PPM1D: variants seen among roughly 807,000 people sequenced by gnomAD.
PPM1D encodes protein phosphatase 1D.
In PPM1D, 52 loss-of-function variants were observed where a neutral mutation model predicts 58.3. The observed-to-expected ratio is 0.89, with a 90% CI of 0.71 to 1.12. The LOEUF (loss-of-function observed/expected upper bound fraction) is 1.12. PPM1D is among the 50% of genes most tolerant of loss of function. PPM1D has a pLI of 0.00. For synonymous variants in PPM1D, 278 were observed against 285.1 expected, an observed-to-expected ratio of 0.98 and a Z score of 0.25; for missense variants, 564 against 777.2, an observed-to-expected ratio of 0.73 and a Z score of 3.26.
At chr17:60,635,341 G>A (rs1159094464) in intron 3 of PPM1D, among the ~76,000 whole-genome samples, 3 of 151,074 alleles carry the variant, frequency 2.0e-5, no homozygotes. Context: ...TCAGCCTCCC[G>A]AGTAGCTGGG....
intron 4 of PPM1D, among the ~76,000 whole-genome samples, chr17:60,649,745 C>G (rs1250546139): frequency 6.6e-6 from 1 of 152,026 alleles, no homozygotes; most frequent in Non-Finnish European, 1.5e-5. Flanking sequence ...GTACTAGGTA[C>G]AGGGATTGCA....
At chr17:60,655,392 A>G (rs2031418556) in intron 4 of PPM1D, among the ~76,000 whole-genome samples, 1 of 152,244 alleles carries the variant, frequency 6.6e-6, no homozygotes, top group Non-Finnish European at 1.5e-5. Flanking sequence ...TCTGTCGCCC[A>G]GGCGGGAGTG....
intron 4 of PPM1D, among the ~76,000 whole-genome samples, chr17:60,649,952 T>G (rs531694820): frequency 5.0e-4 from 76 of 152,312 alleles, no homozygotes; most frequent in African/African-American, 1.5e-3. Context: ...TAAAGACTCT[T>G]CTGTCTAATG....
intron 1 of PPM1D, among the ~76,000 whole-genome samples, chr17:60,615,263 G>A (rs1158455962): frequency 6.6e-6 from 1 of 152,120 alleles, no homozygotes; most frequent in African/African-American, 2.4e-5. Context: ...TGGGCGTGGT[G>A]GCGTGCACCT....
intron 1 of PPM1D, among the ~76,000 whole-genome samples, chr17:60,605,937 G>C (rs1343429153): frequency 6.6e-6 from 1 of 152,020 alleles, no homozygotes; most frequent in African/African-American, 2.4e-5. Flanking sequence ...TACCATTTTA[G>C]CCATTTTTAG....
intron 2 of PPM1D, among the ~76,000 whole-genome samples, chr17:60,632,940 C>G (rs530529569): frequency 1.5e-4 from 22 of 150,664 alleles, no homozygotes; most frequent in Non-Finnish European, 2.4e-4. Flanking sequence ...GCACTCCAGT[C>G]TGGACAACAA....
At chr17:60,653,974 A>G (rs1408806181) in intron 4 of PPM1D, among the ~76,000 whole-genome samples, 1 of 152,130 alleles carries the variant, frequency 6.6e-6, no homozygotes, top group East Asian at 1.9e-4. Context: ...ACCTGCAAAC[A>G]AGGCTCATTT....
chr17:60,655,976 C>G (rs998152904), intron 4 of PPM1D, among the ~76,000 whole-genome samples: 2 of 151,844 alleles, frequency 1.3e-5, no homozygotes, highest in African/African-American at 4.8e-5. Flanking sequence ...GCTGGGATTA[C>G]AGGCATGAGC....
intron 3 of PPM1D, among the ~76,000 whole-genome samples, chr17:60,644,453 TGGA>T (rs2031197834): frequency 6.6e-6 from 1 of 152,192 alleles, no homozygotes; most frequent in Non-Finnish European, 1.5e-5. Context: ...GATCCTTGAA[TGGA>T]TCCTGGATAT....
At chr17:60,628,374 A>G (rs2030853307) in intron 2 of PPM1D, among the ~76,000 whole-genome samples, 1 of 152,154 alleles carries the variant, frequency 6.6e-6, no homozygotes, top group South Asian at 2.1e-4. Flanking sequence ...CCTGGTGTCC[A>G]TAGTTTACAT....
intron 4 of PPM1D, among the ~76,000 whole-genome samples, chr17:60,656,132 G>A (rs2031434430): frequency 6.6e-6 from 1 of 151,920 alleles, no homozygotes; most frequent in East Asian, 1.9e-4. Context: ...TTTTAACATG[G>A]CTAAGGAGAC....
chr17:60,643,883 C>CTTTTTTTTTTTTTT (rs71148308), intron 3 of PPM1D, among the ~76,000 whole-genome samples: 73 of 97,724 alleles, frequency 7.5e-4, no homozygotes, highest in South Asian at 1.9e-3. Context: ...CTTTTCTTTT[C>CTTTTTTTTTTTTTT]TTTTTTTTTT....
At position 60,600,337 on chromosome 17, in the gene PPM1D, C is replaced by A. The variant is rs2030174499; in HGVS notation, c.-78C>A. 2 of 1,507,432 alleles carry A rather than the reference C, an allele frequency of 1.3e-6. No individual in the cohort carries two copies. Among genetic ancestry groups the A allele is most frequent in the African/African-American group, 2.9e-5 (2 of 69,774 alleles). The allele number at this position is 1,507,432 out of a possible 1,614,324, so 93.4% of individuals were successfully genotyped here. On this transcript the variant is annotated 5_prime_UTR_variant, in exon 1 of 6. Coordinates refer to ENST00000305921, the MANE Select transcript of PPM1D (RefSeq NM_003620.4). ...GTCGTCGAAGATAAACAATAGTTGG[C>A]CGGCGAGCGCCTAGTGTGTCTCCCG...
At position 60,656,691 on chromosome 17, in the gene PPM1D, C is replaced by T. The variant is rs959180208; in HGVS notation, c.1110C>T (p.Ala370=). The change falls in exon 5 of 6, where the codon GCC becomes GCT. Residue 370 remains alanine (A), a synonymous_variant. Transcript: ENST00000305921. ...TGCTCCGAGCAGATAACACTAGTGC[C>T]ATAGTAATCTGCATCTCTCCAGAAG... ...QRMLRADNTS[A]IVICISPEVD... 1.9e-6 allele frequency: 3 copies of T among 1,614,030 alleles called. No individual in the cohort carries two copies. In the African/African-American group the frequency reaches 4.0e-5, roughly 22 times the overall value.
chr17:60,613,786 C>T lies in PPM1D; in HGVS notation c.473-9735C>T, dbSNP rs549824461. ...ACTAGCTGCAGAGGGTGCGCCGGGTCCCCCAGCAGTGCTGGCCCACCGGCG... is the reference window on the plus strand; with the variant it reads ...ACTAGCTGCAGAGGGTGCGCCGGGTTCCCCAGCAGTGCTGGCCCACCGGCG... On this transcript the variant is annotated intron_variant, in intron 1 of 5. Coordinates refer to ENST00000305921, the MANE Select transcript of PPM1D (RefSeq NM_003620.4). Among the ~76,000 whole-genome samples, 77 of 152,288 alleles carry T rather than the reference C, an allele frequency of 5.1e-4. 1 individual carries two copies. The highest frequency in any genetic ancestry group is 6.8e-3 in the Middle Eastern group (2 of 294).
At position 60,663,133 on chromosome 17, in the gene PPM1D, CCCTCAAAAGAT is replaced by C; in HGVS notation, c.1402_1412del (p.Ser468ArgfsTer4). The C allele has an allele frequency of 6.2e-7, 1 of 1,614,046 alleles. No homozygotes were observed. The highest frequency in any genetic ancestry group is 8.5e-7 in the Non-Finnish European group (1 of 1,179,990). On this transcript the variant is annotated frameshift_variant, in exon 6 of 6. Transcript: ENST00000305921. LOFTEE classifies it high-confidence loss of function. ...AGAGAATGTCCAAGGTGTAGTCATA[CCCTCAAAAGAT>C]CCAGAACCACTTGAAGAAAATTGCG...
At chr17:60,624,922 C>T (rs2030776281) in intron 2 of PPM1D, among the ~76,000 whole-genome samples, 1 of 152,090 alleles carries the variant, frequency 6.6e-6, no homozygotes, top group African/African-American at 2.4e-5. Flanking sequence ...GGTGGATTGT[C>T]TGAGCTCAGG....
At chr17:60,615,232 A>G (rs750391041) in intron 1 of PPM1D, among the ~76,000 whole-genome samples, 3 of 152,110 alleles carry the variant, frequency 2.0e-5, no homozygotes, top group Middle Eastern at 3.4e-3. Context: ...CCCCCTCTGT[A>G]CAAAAAATAC....
At chr17:60,662,898 T>C (rs924915092) in intron 5 of PPM1D, 97 bp from the exon 6 acceptor site, 98 of 1,196,756 alleles carry the variant, frequency 8.2e-5, no homozygotes, top group Admixed American at 1.2e-4. Flanking sequence ...GTTTTTGCCA[T>C]CCTACTAGCT....
Sources: allele counts gnomAD v4.1 joint callset (sites outside exome capture counted in the v4.1 genomes callset), GRCh38; gene constraint gnomAD v4.1.1; transcripts MANE v1.5; gene names NCBI Gene and HGNC (gene_info 2026-07-23, HGNC 2026-07-21).